Variants in RSF1 observed in about 807,000 individuals in gnomAD.
RSF1 encodes the protein HBV pX-associated protein 8.
In RSF1, 13 loss-of-function variants were observed where a neutral mutation model predicts 145.2. The ratio of observed to expected loss-of-function variants is 0.09; its 90% CI spans 0.06 to 0.14. The LOEUF is 0.14. RSF1 is among the 10% of genes least tolerant of loss of function. The pLI, the probability that RSF1 is intolerant of heterozygous loss-of-function variation, is 1.00. For synonymous variants in RSF1, 577 were observed against 592.6 expected (o/e 0.97, Z 0.38); for missense variants, 1,517 against 1,718.2 (o/e 0.88, Z 2.07).
chr11:77,786,619 G>T (rs532978408), intron 1 of RSF1, among the ~76,000 whole-genome samples: 2 of 152,036 alleles, frequency 1.3e-5, no homozygotes, highest in African/African-American at 4.8e-5. Flanking sequence ...AATATACAGT[G>T]GGGAATAAAA....
At chr11:77,693,878 G>A (rs757041338) in intron 7 of RSF1, among the ~76,000 whole-genome samples, 1 of 151,864 alleles carries the variant, frequency 6.6e-6, no homozygotes, top group African/African-American at 2.4e-5. Context: ...TCCGTCTCCC[G>A]GGTTCAAGTC....
intron 1 of RSF1, among the ~76,000 whole-genome samples, chr11:77,783,523 A>C (rs1489940209): frequency 6.6e-6 from 1 of 152,112 alleles, no homozygotes; most frequent in African/African-American, 2.4e-5. Context: ...TTTTCATCTA[A>C]TACCTTTCAT....
At chr11:77,768,424 T>C (rs1483738202) in intron 1 of RSF1, among the ~76,000 whole-genome samples, 25 of 152,286 alleles carry the variant, frequency 1.6e-4, no homozygotes, top group Admixed American at 1.6e-3. Flanking sequence ...CCTCCCAAAG[T>C]GCTGGGATTA....
At chr11:77,852,820 C>T in the RSF1 span, among the ~76,000 whole-genome samples, 1 of 151,772 alleles carries the variant, frequency 6.6e-6, no homozygotes, top group Non-Finnish European at 1.5e-5. Flanking sequence ...TCTTTATATT[C>T]TGTTCACTTA....
intron 5 of RSF1, among the ~76,000 whole-genome samples, chr11:77,711,616 G>A (rs569034559): frequency 6.6e-6 from 1 of 152,216 alleles, no homozygotes; most frequent in Admixed American, 6.5e-5. Flanking sequence ...GTTGCAGTGA[G>A]CCCAGATCGA....
At chr11:77,762,873 C>T (rs970347557) in intron 2 of RSF1, 29 of 152,022 alleles carry the variant, frequency 1.9e-4, no homozygotes, top group African/African-American at 6.3e-4. Flanking sequence ...AGGAGAAAGA[C>T]GAGAGCACTG....
intron 1 of RSF1, among the ~76,000 whole-genome samples, chr11:77,769,030 A>G (rs2135942623): frequency 6.6e-6 from 1 of 152,304 alleles, no homozygotes; most frequent in East Asian, 1.9e-4. Context: ...GTAAGTTGCT[A>G]TGGCTTTGGA....
intron 15 of RSF1, among the ~76,000 whole-genome samples, chr11:77,668,975 G>A (rs575820611): frequency 1.3e-5 from 2 of 152,132 alleles, no homozygotes; most frequent in East Asian, 1.9e-4. Flanking sequence ...CTGCCTACTC[G>A]ACATCTAGGC....
chr11:77,824,433 G>T (rs1949076425), upstream of RSF1, among the ~76,000 whole-genome samples: 1 of 152,120 alleles, frequency 6.6e-6, no homozygotes, highest in Non-Finnish European at 1.5e-5. Flanking sequence ...CTATTAGGGG[G>T]AAATATTTTG....
At chr11:77,831,275 A>C in the RSF1 span, among the ~76,000 whole-genome samples, 6 of 152,216 alleles carry the variant, frequency 3.9e-5, no homozygotes, top group African/African-American at 1.4e-4. Context: ...TGGATCTGCT[A>C]TGTAACAGTC....
intron 1 of RSF1, among the ~76,000 whole-genome samples, chr11:77,765,979 C>T (rs901693196): frequency 2.6e-5 from 4 of 152,246 alleles, no homozygotes; most frequent in Admixed American, 2.6e-4. Context: ...AACTCCTGAT[C>T]TCAGGCGATC....
At chr11:77,730,331 A>G (rs1337836862) in intron 4 of RSF1, among the ~76,000 whole-genome samples, 1 of 152,200 alleles carries the variant, frequency 6.6e-6, no homozygotes, top group Non-Finnish European at 1.5e-5. Flanking sequence ...TTTCAAATTC[A>G]ACTTTCTGAA....
chr11:77,820,850 C>A, upstream of RSF1: 1 of 886,092 alleles, frequency 1.1e-6, no homozygotes, highest in Non-Finnish European at 1.7e-6. Context: ...GTCTCAGGGA[C>A]GGCTCCGCGA....
upstream of RSF1, among the ~76,000 whole-genome samples, chr11:77,825,458 A>G (rs140971529): frequency 3.6e-3 from 549 of 152,316 alleles, 1 homozygote; most frequent in African/African-American, 0.012. Context: ...AGCTGAAGGT[A>G]TATGGACTTA....
chr11:77,748,794 T>TA (rs1283898021), intron 2 of RSF1, among the ~76,000 whole-genome samples: 1 of 152,178 alleles, frequency 6.6e-6, no homozygotes, highest in Non-Finnish European at 1.5e-5. Flanking sequence ...CCATATGACT[T>TA]AGCCATTACA....
At chr11:77,746,128 A>T (rs1947997186) in intron 3 of RSF1, among the ~76,000 whole-genome samples, 2 of 152,150 alleles carry the variant, frequency 1.3e-5, no homozygotes, top group Non-Finnish European at 2.9e-5. Flanking sequence ...GATTAATAAA[A>T]GTTATGAGTA....
At chr11:77,730,549 C>G (rs1422237539) in intron 4 of RSF1, among the ~76,000 whole-genome samples, 7 of 152,058 alleles carry the variant, frequency 4.6e-5, no homozygotes, top group Non-Finnish European at 8.8e-5. Flanking sequence ...TTTTCCCCAC[C>G]AAAGCAAGAA....
chr11:77,846,089 T>C, the RSF1 span, among the ~76,000 whole-genome samples: 1 of 152,130 alleles, frequency 6.6e-6, no homozygotes, highest in South Asian at 2.1e-4. Context: ...TTCTGAGGGT[T>C]TGTTGTTGCT....
the RSF1 span, among the ~76,000 whole-genome samples, chr11:77,861,494 G>A: frequency 7.2e-4 from 109 of 152,314 alleles, 2 homozygotes; most frequent in African/African-American, 2.6e-3. Context: ...CTGTGAGGGT[G>A]ATGGCATGAG....
Sources: allele counts gnomAD v4.1 joint callset (sites outside exome capture counted in the v4.1 genomes callset), GRCh38; gene constraint gnomAD v4.1.1; transcripts MANE v1.5; gene names NCBI Gene and HGNC (gene_info 2026-07-23, HGNC 2026-07-21).